Variants in MEGF6 observed in about 807,000 individuals in gnomAD.
MEGF6 encodes multiple EGF like domains 6.
In MEGF6, 184 loss-of-function variants were observed where a neutral mutation model predicts 207.1. That is an observed-to-expected ratio of 0.89 (90% CI 0.79 to 1.00). The LOEUF (loss-of-function observed/expected upper bound fraction) is 1.00. Among genes scored for constraint, MEGF6 ranks in the 50% least tolerant of loss-of-function variants. The pLI, the probability that MEGF6 is intolerant of heterozygous loss-of-function variation, is 0.00. For missense variants in MEGF6, 2,282 were observed against 2,202.9 expected (o/e 1.04, Z -0.72); for synonymous variants, 1,038 against 910.0 (o/e 1.14, Z -2.53).
chr1:3,541,108 G>A (rs1249279855), intron 4 of MEGF6, among the ~76,000 whole-genome samples: 3 of 152,188 alleles, frequency 2.0e-5, no homozygotes, highest in Non-Finnish European at 4.4e-5. Flanking sequence ...CTGGGCACCT[G>A]TCCCCTCTGC....
At chr1:3,544,297 C>G (rs941228925) in intron 4 of MEGF6, among the ~76,000 whole-genome samples, 1 of 144,672 alleles carries the variant, frequency 6.9e-6, no homozygotes, top group Non-Finnish European at 1.5e-5. Context: ...CCAGCCTGAC[C>G]AGGCTCTGGA....
rs560472433 is a variant in MEGF6, at chr1:3,500,518, G to A, written c.2707+115C>T. On this transcript the variant is annotated intron_variant, in intron 21 of 36. Transcript: ENST00000356575. ...AGGAGGGGGCGCGGCCAAAGGCTTC[G>A]TGTGTGTGCGTGCAGGAGGGAGTAC... The A allele has an allele frequency of 6.3e-5, 88 of 1,398,538 alleles. 1 individual carries two copies. Among genetic ancestry groups the A allele is most frequent in the African/African-American group, 1.4e-4 (10 of 69,440 alleles). The allele number at this position is 1,398,538 out of a possible 1,614,324, so 86.6% of individuals were successfully genotyped here.
chr1:3,579,192 C>A (rs996508383), intron 4 of MEGF6, among the ~76,000 whole-genome samples: 1 of 152,354 alleles, frequency 6.6e-6, no homozygotes, highest in Non-Finnish European at 1.5e-5. Context: ...GGAAGACTCC[C>A]GCTTCCCATG....
In MEGF6 at chr1:3,556,573, G is replaced by A. The variant is rs145494380; in HGVS notation, c.481+23252C>T. On this transcript the variant is annotated intron_variant, in intron 4 of 36. Coordinates refer to ENST00000356575, the MANE Select transcript of MEGF6 (RefSeq NM_001409.4). This position sits in a 1 kb window ranked among gnomAD's most constrained non-coding sequence, Gnocchi z 4.4. ...AGCGGGTCACAGAGGCTGCAGCAGC[G>A]GAACTACCTGCAAATGAGAGGACAG... 4.2e-3 allele frequency among the ~76,000 whole-genome samples: 642 copies of A among 152,246 alleles called. 3 individuals carry two copies. Among genetic ancestry groups the A allele is most frequent in the South Asian group, 0.022 (105 of 4,814 alleles).
intron 18 of MEGF6, among the ~76,000 whole-genome samples, chr1:3,501,517 C>T (rs1048153489): frequency 2.6e-5 from 4 of 152,084 alleles, no homozygotes; most frequent in South Asian, 2.1e-4. Flanking sequence ...CCCCAGCCCC[C>T]GGCACCGTTC....
At position 3,595,342 on chromosome 1, in the gene MEGF6, G is replaced by A; in HGVS notation, c.372C>T (p.Leu124=). The A allele has an allele frequency of 6.2e-7, 1 of 1,611,204 alleles. No homozygotes were observed. The highest frequency in any genetic ancestry group is 8.5e-7 in the Non-Finnish European group (1 of 1,178,858). Residue 124 remains leucine, a synonymous_variant, in exon 3 of 37, where the codon CTC becomes CTT. Coordinates refer to ENST00000356575, the MANE Select transcript of MEGF6 (RefSeq NM_001409.4). ...WMQQPDEEGC[L]SAECSASLCF... ...GGAGGCGCAGGCGGCACTCACCCGA[G>A]AGGCAGCCCTCCTCGTCGGGCTGCT... is the stretch of plus-strand genomic sequence containing the variant.
chr1:3,553,611 C>T (rs992297183), intron 4 of MEGF6, among the ~76,000 whole-genome samples: 9 of 152,186 alleles, frequency 5.9e-5, no homozygotes, highest in South Asian at 2.1e-4. Context: ...CCTGCCTGCC[C>T]GGGAGGCCAC....
the MEGF6 span, among the ~76,000 whole-genome samples, chr1:3,620,876 A>G: frequency 3.7e-4 from 56 of 152,332 alleles, no homozygotes; most frequent in Admixed American, 3.3e-3. Context: ...CTCATCTCCA[A>G]TGATAGGTAA....
At chr1:3,592,076 T>C (rs1643988603) in intron 3 of MEGF6, among the ~76,000 whole-genome samples, 1 of 152,124 alleles carries the variant, frequency 6.6e-6, no homozygotes, top group Non-Finnish European at 1.5e-5. Context: ...CATTCTGCCC[T>C]GCCAGGGCAC....
chr1:3,495,499 G>A (rs1640560673), intron 30 of MEGF6, among the ~76,000 whole-genome samples: 1 of 152,206 alleles, frequency 6.6e-6, no homozygotes, highest in Non-Finnish European at 1.5e-5. Context: ...TGAGCCCTGG[G>A]CCTGGCAGAA....
chr1:3,502,814 G>C (rs768925434), intron 17 of MEGF6, among the ~76,000 whole-genome samples: 6 of 152,170 alleles, frequency 3.9e-5, no homozygotes, highest in African/African-American at 7.2e-5. Context: ...TGACCTTAAG[G>C]GCCCGGCCTT....
intron 3 of MEGF6, among the ~76,000 whole-genome samples, chr1:3,581,138 GGGCCTATGT>G (rs1274487518): frequency 6.6e-6 from 1 of 152,156 alleles, no homozygotes; most frequent in African/African-American, 2.4e-5. Context: ...TCGGGCTTCA[GGGCCTATGT>G]GGCCATCCTG....
At chr1:3,496,149 G>T in intron 29 of MEGF6, 131 bp from the exon 30 acceptor site, 3 of 1,324,738 alleles carry the variant, frequency 2.3e-6, no homozygotes, top group Non-Finnish European at 2.0e-6. Context: ...GGTGGGGCCA[G>T]CCAACTCTCA....
intron 4 of MEGF6, among the ~76,000 whole-genome samples, chr1:3,555,745 G>A (rs995868310): frequency 2.6e-5 from 4 of 152,172 alleles, no homozygotes; most frequent in African/African-American, 9.7e-5. Context: ...CATGCCAGAA[G>A]CTCCTCCTGG....
chr1:3,587,249 T>C (rs1280643975), intron 3 of MEGF6, among the ~76,000 whole-genome samples: 2 of 152,246 alleles, frequency 1.3e-5, no homozygotes, highest in African/African-American at 4.8e-5. Flanking sequence ...CCAGCGGGCC[T>C]TCAGCTGCTG....
intron 25 of MEGF6, 59 bp from the exon 26 acceptor site, chr1:3,498,558 C>G: frequency 6.6e-7 from 1 of 1,503,824 alleles, no homozygotes; most frequent in South Asian, 1.2e-5. Flanking sequence ...CCAGGAGACC[C>G]TGACCCATGC....
chr1:3,613,224 C>A (rs139369923), upstream of MEGF6, among the ~76,000 whole-genome samples: 2 of 152,208 alleles, frequency 1.3e-5, no homozygotes, highest in African/African-American at 4.8e-5. Context: ...CCACCCTTCC[C>A]GGGATCTCGG....
intron 4 of MEGF6, among the ~76,000 whole-genome samples, chr1:3,532,287 C>G (rs765278684): frequency 6.6e-6 from 1 of 152,246 alleles, no homozygotes; most frequent in Non-Finnish European, 1.5e-5. Context: ...GCTGTGATTC[C>G]GGCTTGGATC....
At chr1:3,582,260 A>ATT (rs1643816226) in intron 3 of MEGF6, among the ~76,000 whole-genome samples, 1 of 152,140 alleles carries the variant, frequency 6.6e-6, no homozygotes, top group African/African-American at 2.4e-5. Context: ...CAGCCACAAG[A>ATT]TGTTCCCCGG....
Sources: gnomAD v4.1 joint callset for allele counts (sites outside exome capture counted in the v4.1 genomes callset) on GRCh38, gnomAD v4.1.1 for gene constraint, Gnocchi (gnomAD v3.1) non-coding constraint, MANE v1.5 for transcripts, NCBI Gene and HGNC (gene_info 2026-07-23, HGNC 2026-07-21) for gene names.